ABCA13: variants seen among roughly 807,000 people sequenced by gnomAD.
ABCA13 encodes the protein ATP binding cassette subfamily A member 13, also known as ATP-binding cassette sub-family A member 13.
In ABCA13, 476 loss-of-function variants were observed where a neutral mutation model predicts 478.7. The observed-to-expected ratio is 0.99, with a 90% CI of 0.92 to 1.07. ABCA13 has a LOEUF of 1.07. Ranked by LOEUF, ABCA13 falls within the 50% of genes least tolerant of loss-of-function variation. The pLI, the probability that ABCA13 is intolerant of heterozygous loss-of-function variation, is 0.00. For missense variants in ABCA13, 6,060 were observed against 5,910.6 expected (o/e 1.03, Z -0.83); for synonymous variants, 2,252 against 2,158.9 (o/e 1.04, Z -1.20).
intron 27 of ABCA13, among the ~76,000 whole-genome samples, chr7:48,324,507 T>A (rs975900192): frequency 6.6e-6 from 1 of 152,222 alleles, no homozygotes; most frequent in Non-Finnish European, 1.5e-5. Flanking sequence ...TTTGGAATGA[T>A]CTTTTACCAC....
At chr7:48,188,831 G>C (rs909843997) in intron 1 of ABCA13, among the ~76,000 whole-genome samples, 1 of 152,138 alleles carries the variant, frequency 6.6e-6, no homozygotes, top group Non-Finnish European at 1.5e-5. Flanking sequence ...TTCATGCTCA[G>C]CCCACAAGGT....
At chr7:48,633,859 A>T (rs1231611175) in intron 59 of ABCA13, among the ~76,000 whole-genome samples, 2 of 151,974 alleles carry the variant, frequency 1.3e-5, no homozygotes, top group Non-Finnish European at 2.9e-5. Context: ...GCTGCACTCC[A>T]CTCTGGGTGA....
chr7:48,277,745 C>T (rs1342380864), intron 17 of ABCA13, among the ~76,000 whole-genome samples: 1 of 152,196 alleles, frequency 6.6e-6, no homozygotes, highest in Middle Eastern at 3.2e-3. Context: ...ACTTTTCAGA[C>T]ACTTATCTCT....
chr7:48,553,931 C>T (rs59100514), intron 55 of ABCA13, among the ~76,000 whole-genome samples: 21,082 of 151,734 alleles, frequency 0.14, 1,834 homozygotes, highest in African/African-American at 0.23. Context: ...GTAATAGTAA[C>T]TGTTCAAGTA....
At chr7:48,462,128 G>A (rs932389059) in intron 43 of ABCA13, among the ~76,000 whole-genome samples, 1 of 152,110 alleles carries the variant, frequency 6.6e-6, no homozygotes, top group Non-Finnish European at 1.5e-5. Context: ...TTCTTCTCTT[G>A]TACTCTCTCT....
intron 43 of ABCA13, among the ~76,000 whole-genome samples, chr7:48,466,460 G>A (rs1241288502): frequency 1.3e-5 from 2 of 152,202 alleles, no homozygotes; most frequent in Non-Finnish European, 2.9e-5. Context: ...GTAGCTCAAT[G>A]TAGCTCACAT....
chr7:48,190,476 T>A (rs1796953487), intron 1 of ABCA13, among the ~76,000 whole-genome samples: 1 of 152,162 alleles, frequency 6.6e-6, no homozygotes, highest in Admixed American at 6.5e-5. Flanking sequence ...CTGTTGCAAA[T>A]TTGAGCAAAA....
intron 31 of ABCA13, among the ~76,000 whole-genome samples, chr7:48,362,759 T>C (rs1811084134): frequency 6.6e-6 from 1 of 152,034 alleles, no homozygotes; most frequent in Non-Finnish European, 1.5e-5. Context: ...TAAAATATGT[T>C]CTCTTATTTC....
At chr7:48,262,277 A>G (rs1047365711) in intron 15 of ABCA13, among the ~76,000 whole-genome samples, 1 of 151,908 alleles carries the variant, frequency 6.6e-6, no homozygotes, top group Non-Finnish European at 1.5e-5. Flanking sequence ...TTCTACTGAC[A>G]TAGGAGAGGA....
intron 18 of ABCA13, among the ~76,000 whole-genome samples, chr7:48,280,192 C>G (rs562637583): frequency 6.6e-6 from 1 of 152,304 alleles, no homozygotes; most frequent in African/African-American, 2.4e-5. Flanking sequence ...ACCTCTTATT[C>G]TATTCACTCA....
chr7:48,276,119 T>C lies in ABCA13; in HGVS notation c.6453T>C (p.Asn2151=), dbSNP rs1211406638. ...AAACATTATTCATTCCTGTGACCAATGAGAGTTCAACTGAAGATATAGCTT... is the reference window on the plus strand; with the variant it reads ...AAACATTATTCATTCCTGTGACCAACGAGAGTTCAACTGAAGATATAGCTT... The part of the protein sequence containing the change: ...MIETLFIPVT[N]ESSTEDIALL... The change falls in exon 17 of 62, where the codon AAT becomes AAC. Residue 2151 remains asparagine (N), a synonymous_variant. Coordinates refer to ENST00000435803, the MANE Select transcript of ABCA13 (RefSeq NM_152701.5). The C allele has an allele frequency of 1.3e-6, 2 of 1,598,322 alleles. No homozygotes were observed. Among genetic ancestry groups the C allele is most frequent in the East Asian group, 4.5e-5 (2 of 44,544 alleles).
rs767439790 is a variant in ABCA13, at chr7:48,229,941, G to A, written c.749G>A (p.Gly250Glu). Residue 250 changes from glycine to glutamate, a missense_variant, in exon 7 of 62, where the codon GGA becomes GAA. Coordinates refer to ENST00000435803, the MANE Select transcript of ABCA13 (RefSeq NM_152701.5). ...ISTLTFLQQHGVAVTEPVYHL... is the reference protein window; with the variant it reads ...ISTLTFLQQHEVAVTEPVYHL... ...ACACTGACATTTCTGCAGCAACATG[G>A]AGTAGCAGTCACCGGTATGGGTGCC... The A allele has an allele frequency of 5.0e-6, 8 of 1,613,850 alleles. No homozygotes were observed. The highest frequency in any genetic ancestry group is 6.8e-6 in the Non-Finnish European group (8 of 1,179,788).
At chr7:48,515,114 A>T (rs1173268746) in intron 51 of ABCA13, among the ~76,000 whole-genome samples, 1 of 152,196 alleles carries the variant, frequency 6.6e-6, no homozygotes, top group African/African-American at 2.4e-5. Context: ...GAAGTCTCAT[A>T]CTTTTCAGAA....
chr7:48,635,505 G>A (rs900558115), intron 59 of ABCA13, among the ~76,000 whole-genome samples: 9 of 152,146 alleles, frequency 5.9e-5, no homozygotes, highest in African/African-American at 2.2e-4. Context: ...GAACAAGGGG[G>A]ACCCCAATAT....
At position 48,279,076 on chromosome 7, in the gene ABCA13, T is replaced by A; in HGVS notation, c.7882T>A (p.Ser2628Thr). The A allele has an allele frequency of 1.9e-6, 3 of 1,612,778 alleles. No homozygotes were observed. Among genetic ancestry groups the A allele is most frequent in the Non-Finnish European group, 1.7e-6 (2 of 1,179,766 alleles). ...TAGCATACTCTCATATATGAACCAA[T>A]CTAAGGACTTTTCTGATATTTTGGA... ...SPSILSYMNQSKDFSDILEEI... is the reference protein window; with the variant it reads ...SPSILSYMNQTKDFSDILEEI... Residue 2628 changes from serine to threonine, a missense_variant, in exon 18 of 62, where the codon TCT becomes ACT. This residue lies in a region of ABCA13 where 4,423 missense variants were observed against 4,309.1 expected (regional missense o/e 1.03). Transcript: ENST00000435803.
At chr7:48,233,179 T>C (rs945368807) in intron 7 of ABCA13, among the ~76,000 whole-genome samples, 1 of 152,218 alleles carries the variant, frequency 6.6e-6, no homozygotes, top group African/African-American at 2.4e-5. Context: ...ATTGTGCTTT[T>C]TTTTGTAGAC....
intron 3 of ABCA13, among the ~76,000 whole-genome samples, chr7:48,200,941 C>G (rs563562972): frequency 6.6e-6 from 1 of 152,336 alleles, no homozygotes; most frequent in South Asian, 2.1e-4. Context: ...ACCAGCCCCA[C>G]ACCACCTGGC....
chr7:48,316,674 A>G (rs1020658634), intron 26 of ABCA13, among the ~76,000 whole-genome samples: 3 of 152,254 alleles, frequency 2.0e-5, no homozygotes, highest in African/African-American at 7.2e-5. Flanking sequence ...AGACTATACA[A>G]GAAGCATGGC....
chr7:48,175,113 T>C (rs1794663502), intron 1 of ABCA13, among the ~76,000 whole-genome samples: 2 of 152,234 alleles, frequency 1.3e-5, no homozygotes, highest in African/African-American at 4.8e-5. Context: ...CCATCAACAT[T>C]GGCAAATATT....
Sources: gnomAD v4.1 joint callset for allele counts (sites outside exome capture counted in the v4.1 genomes callset) on GRCh38, gnomAD v4.1.1 for gene constraint, gnomAD v4.1.1 regional missense constraint, MANE v1.5 for transcripts, NCBI Gene and HGNC (gene_info 2026-07-23, HGNC 2026-07-21) for gene names.